JARID2: variants seen among roughly 807,000 people sequenced by gnomAD.
JARID2 encodes the protein jumonji and AT-rich interaction domain containing 2.
JARID2 carries 21 observed loss-of-function variants against 125.6 expected under a neutral mutation model. The observed-to-expected ratio is 0.17, with a 90% CI of 0.12 to 0.24. The LOEUF is 0.24. Ranked by LOEUF, JARID2 falls within the 10% of genes least tolerant of loss-of-function variation. The pLI is 1.00. For synonymous variants in JARID2, 736 were observed against 661.6 expected, an observed-to-expected ratio of 1.11 and a Z score of -1.73; for missense variants, 1,303 against 1,639.6, an observed-to-expected ratio of 0.79 and a Z score of 3.55.
At chr6:15,401,336 C>G (rs566517721) in intron 2 of JARID2, among the ~76,000 whole-genome samples, 6 of 152,268 alleles carry the variant, frequency 3.9e-5, no homozygotes, top group Non-Finnish European at 7.3e-5. Context: ...ACCATTTTGG[C>G]CAAAGCTGCA....
At chr6:15,253,467 C>G (rs1196647176) in intron 1 of JARID2, among the ~76,000 whole-genome samples, 1 of 129,710 alleles carries the variant, frequency 7.7e-6, no homozygotes, top group Non-Finnish European at 1.8e-5. Context: ...TCCAGGACTT[C>G]CTGTTCCTGT....
chr6:15,509,685 G>A (rs1336018850), intron 12 of JARID2, among the ~76,000 whole-genome samples: 1 of 152,248 alleles, frequency 6.6e-6, no homozygotes, highest in East Asian at 1.9e-4. Flanking sequence ...TCCTGTGGAG[G>A]AGTTACACTG....
Position 15,513,293 on chromosome 6 carries a change from C to T in JARID2, c.3321C>T (p.Ser1107=), listed in dbSNP as rs765541977. 75 of 1,598,094 alleles carry T rather than the reference C, an allele frequency of 4.7e-5. No individual in the cohort carries two copies. In the South Asian group the frequency reaches 4.7e-4, roughly 10 times the overall value. ...TGTTCGAGGCTGGCCTCCACTCCTC[C>T]GCACGCTATGGCAGCCACGATGGCA... ...RQLFEAGLHS[S]ARYGSHDGSS... Residue 1107 remains serine (S), a synonymous_variant, in exon 16 of 18, where the codon TCC becomes TCT. Transcript: ENST00000341776.
chr6:15,455,205 AAAAC>A (rs1250508828), intron 4 of JARID2, among the ~76,000 whole-genome samples: 1 of 151,966 alleles, frequency 6.6e-6, no homozygotes, highest in Non-Finnish European at 1.5e-5. Flanking sequence ...AAAAAAAAAA[AAAAC>A]AATGGTGATA....
chr6:15,437,731 G>T (rs1187842495), intron 3 of JARID2, among the ~76,000 whole-genome samples: 1 of 151,996 alleles, frequency 6.6e-6, no homozygotes, highest in Admixed American at 6.5e-5. Context: ...TTGAACCCGG[G>T]AGGCGGAGGT....
intron 1 of JARID2, 70 bp from the exon 2 acceptor site, chr6:15,374,047 G>A (rs995943093): frequency 6.5e-7 from 1 of 1,550,050 alleles, no homozygotes; most frequent in Non-Finnish European, 8.8e-7. Context: ...TTAAAATAAA[G>A]TTTATTTTGA....
At chr6:15,341,749 CT>C (rs1485337151) in intron 1 of JARID2, among the ~76,000 whole-genome samples, 1 of 152,080 alleles carries the variant, frequency 6.6e-6, no homozygotes, top group Non-Finnish European at 1.5e-5. Flanking sequence ...GTAGTGCCCG[CT>C]TAAGGGCAAG....
At chr6:15,412,456 A>C (rs1765919687) in intron 3 of JARID2, among the ~76,000 whole-genome samples, 1 of 151,960 alleles carries the variant, frequency 6.6e-6, no homozygotes, top group Non-Finnish European at 1.5e-5. Flanking sequence ...TTACAGGCAC[A>C]CACCACCATA....
At chr6:15,430,725 C>T (rs1279531162) in intron 3 of JARID2, among the ~76,000 whole-genome samples, 2 of 152,116 alleles carry the variant, frequency 1.3e-5, no homozygotes, top group Non-Finnish European at 2.9e-5. Context: ...ACTTGTGGGG[C>T]ATGCTTTCCA....
At chr6:15,415,222 A>C (rs189112123) in intron 3 of JARID2, among the ~76,000 whole-genome samples, 4 of 152,312 alleles carry the variant, frequency 2.6e-5, no homozygotes, top group Non-Finnish European at 4.4e-5. Context: ...CTCCCTCTAC[A>C]CAGACATGGC....
intron 3 of JARID2, among the ~76,000 whole-genome samples, chr6:15,446,633 T>A (rs1252070513): frequency 6.7e-6 from 1 of 149,708 alleles, no homozygotes; most frequent in Non-Finnish European, 1.5e-5. Flanking sequence ...TGGGATCCCA[T>A]ACACTCCCAT....
At chr6:15,248,907 A>T in intron 1 of JARID2, 7 of 985,568 alleles carry the variant, frequency 7.1e-6, no homozygotes, top group Non-Finnish European at 8.4e-6. Flanking sequence ...GAGGAGGAAG[A>T]GGAGGAAGAT....
At chr6:15,345,594 T>TTAATTAAATTAAAC (rs1179921416) in intron 1 of JARID2, among the ~76,000 whole-genome samples, 1 of 152,252 alleles carries the variant, frequency 6.6e-6, no homozygotes, top group Non-Finnish European at 1.5e-5. Context: ...CATATTAATT[T>TTAATTAAATTAAAC]ATTTAATATT....
At chr6:15,409,598 A>G (rs1765792760) in intron 2 of JARID2, among the ~76,000 whole-genome samples, 1 of 152,208 alleles carries the variant, frequency 6.6e-6, no homozygotes, top group Admixed American at 6.5e-5. Flanking sequence ...TATTTTGGTT[A>G]CTAAAAGCAC....
At chr6:15,263,883 G>A (rs1408332789) in intron 1 of JARID2, among the ~76,000 whole-genome samples, 1 of 152,114 alleles carries the variant, frequency 6.6e-6, no homozygotes. Context: ...GTGAGCCACC[G>A]TGCCCGGCTG....
chr6:15,487,446 C>A lies in JARID2; in HGVS notation c.810C>A (p.Pro270=), dbSNP rs369604217. The A allele has an allele frequency of 2.5e-6, 4 of 1,614,122 alleles. No homozygotes were observed. Among genetic ancestry groups the A allele is most frequent in the African/African-American group, 1.3e-5 (1 of 74,940 alleles). ...GGGAGCAGGCTTCAGCTAACCACCC[C>A]GCAGCGGCCCCCTCCACGGGTTCCT... The part of the protein sequence containing the change: ...SRREQASANH[P]AAAPSTGSSA... Residue 270 remains proline, a synonymous_variant, in exon 6 of 18, where the codon CCC becomes CCA. Transcript: ENST00000341776.
At chr6:15,519,593 C>T (rs905486053) in intron 17 of JARID2, among the ~76,000 whole-genome samples, 2 of 152,114 alleles carry the variant, frequency 1.3e-5, no homozygotes, top group East Asian at 1.9e-4. Context: ...TTTTTGGTGC[C>T]GACAGATAAA....
chr6:15,445,531 A>G (rs1217194671), intron 3 of JARID2, among the ~76,000 whole-genome samples: 2 of 152,208 alleles, frequency 1.3e-5, no homozygotes, highest in Non-Finnish European at 2.9e-5. Flanking sequence ...TAGGGAGTGG[A>G]TGGATGGGGA....
At chr6:15,442,228 C>T (rs1392896643) in intron 3 of JARID2, among the ~76,000 whole-genome samples, 1 of 151,814 alleles carries the variant, frequency 6.6e-6, no homozygotes. Flanking sequence ...GTTGAGTAAT[C>T]TAAAATTGAG....
Sources: allele counts gnomAD v4.1 joint callset (sites outside exome capture counted in the v4.1 genomes callset), GRCh38; gene constraint gnomAD v4.1.1; transcripts MANE v1.5; gene names NCBI Gene and HGNC (gene_info 2026-07-23, HGNC 2026-07-21).